SGCZ: variants seen among roughly 807,000 people sequenced by gnomAD.
SGCZ encodes the protein sarcoglycan zeta.
SGCZ carries 40 observed loss-of-function variants against 41.3 expected under a neutral mutation model. That is an observed-to-expected ratio of 0.97 (90% CI 0.75 to 1.26). The LOEUF (loss-of-function observed/expected upper bound fraction) is 1.26, where lower values mean the gene tolerates loss of function less well. SGCZ is among the 50% of genes most tolerant of loss of function. The pLI is 0.00. For missense variants in SGCZ, 552 were observed against 369.8 expected (o/e 1.49, Z -4.04); for synonymous variants, 206 against 137.5 (o/e 1.50, Z -3.49).
In SGCZ at chr8:15,119,944, G is replaced by C. The variant is rs556926375; in HGVS notation, c.39+117641C>G. ...CTTGCTTCAGCCTCCTGAGTAGCTA[G>C]AACTATAGGTGCATTCCACCAAGCT... is the stretch of plus-strand genomic sequence containing the variant. On this transcript the variant is annotated intron_variant, in intron 1 of 7. Coordinates refer to ENST00000382080, the MANE Select transcript of SGCZ (RefSeq NM_139167.4). Among the ~76,000 whole-genome samples, 131 of 152,256 alleles carry C rather than the reference G, an allele frequency of 8.6e-4. 1 individual carries two copies. Among genetic ancestry groups the C allele is most frequent in the African/African-American group, 3.1e-3 (130 of 41,550 alleles).
At position 14,624,185 on chromosome 8, in the gene SGCZ, C is replaced by A. The variant is rs1052202834; in HGVS notation, c.40-69259G>T. On this transcript the variant is annotated intron_variant, in intron 1 of 7. Transcript: ENST00000382080. Reference sequence around the variant, plus strand: ...AGGGTCAATGCAGACACATGTACAGCAATATTTTCATTAATAGCTTATCAT... The same window carrying A: ...AGGGTCAATGCAGACACATGTACAGAAATATTTTCATTAATAGCTTATCAT... 2.0e-5 allele frequency among the ~76,000 whole-genome samples: 3 copies of A among 152,088 alleles called. No individual in the cohort carries two copies. The East Asian group carries it at 5.8e-4, about 29-fold the overall frequency.
At chr8:14,641,306 T>C (rs1465034953) in intron 1 of SGCZ, among the ~76,000 whole-genome samples, 2 of 151,718 alleles carry the variant, frequency 1.3e-5, no homozygotes, top group East Asian at 3.9e-4. Context: ...ACATAAAAAT[T>C]CTTGATAAAG....
At chr8:14,639,365 T>G (rs1264093450) in intron 1 of SGCZ, among the ~76,000 whole-genome samples, 1 of 151,648 alleles carries the variant, frequency 6.6e-6, no homozygotes, top group African/African-American at 2.4e-5. Flanking sequence ...CCTCCGTTAG[T>G]AATGAGCTCA....
chr8:14,776,518 C>CTTTTTTT (rs35602866), intron 1 of SGCZ, among the ~76,000 whole-genome samples: 823 of 116,440 alleles, frequency 7.1e-3, no homozygotes, highest in Non-Finnish European at 9.5e-3. Context: ...TTTTCTTTTT[C>CTTTTTTT]TTTTTTTTTT....
rs530644252 is a variant in SGCZ at position 14,440,762 on chromosome 8, T to C, written c.234+113970A>G. Among the ~76,000 whole-genome samples, 13 of 147,646 alleles carry C rather than the reference T, an allele frequency of 8.8e-5. No homozygotes were observed. In the South Asian group the frequency reaches 2.8e-3, roughly 31 times the overall value. ...ATGTATATACATACGTATACACGTATATGTATATATGTATATACATACGTA... is the reference window on the plus strand; with the variant it reads ...ATGTATATACATACGTATACACGTACATGTATATATGTATATACATACGTA... On this transcript the variant is annotated intron_variant, in intron 2 of 7. Transcript: ENST00000382080.
intron 1 of SGCZ, among the ~76,000 whole-genome samples, chr8:14,862,529 C>A (rs1803786363): frequency 1.0e-5 from 1 of 100,448 alleles, no homozygotes; most frequent in Admixed American, 1.3e-4. Flanking sequence ...AAAATTGCAT[C>A]TTTAAGATAT....
At chr8:15,035,823 C>T (rs1803855458) in intron 1 of SGCZ, among the ~76,000 whole-genome samples, 2 of 151,870 alleles carry the variant, frequency 1.3e-5, no homozygotes, top group South Asian at 4.2e-4. Flanking sequence ...ATTGGAGCAC[C>T]TAAATATATC....
At chr8:14,285,364 G>A (rs889080849) in intron 3 of SGCZ, among the ~76,000 whole-genome samples, 1 of 152,048 alleles carries the variant, frequency 6.6e-6, no homozygotes, top group African/African-American at 2.4e-5. Flanking sequence ...TGTATTCTAA[G>A]AACAAGAGAT....
At chr8:14,467,651 A>C (rs1409903256) in intron 2 of SGCZ, among the ~76,000 whole-genome samples, 2 of 152,070 alleles carry the variant, frequency 1.3e-5, no homozygotes, top group African/African-American at 4.8e-5. Context: ...AGAATTCCAA[A>C]GTAGTAACAG....
rs544235773 is a variant in SGCZ, at chr8:14,784,401, CA to C, written c.40-229476del. ...CATCTTATACATTGATTTCATGTCA[CA>C]TATATCAGAAAAAAAATGTCAGCTA... On this transcript the variant is annotated intron_variant, in intron 1 of 7. Coordinates refer to ENST00000382080, the MANE Select transcript of SGCZ (RefSeq NM_139167.4). Among the ~76,000 whole-genome samples, 6 of 71,178 alleles carry C rather than the reference CA, an allele frequency of 8.4e-5. No homozygotes were observed. The Admixed American group carries it at 8.7e-4, about 10-fold the overall frequency. The allele number at this position is 71,178 out of a possible 152,430, so 46.7% of individuals were successfully genotyped here.
chr8:14,668,003 C>CTG (rs1807971303), intron 1 of SGCZ, among the ~76,000 whole-genome samples: 1 of 152,158 alleles, frequency 6.6e-6, no homozygotes, highest in Non-Finnish European at 1.5e-5. Context: ...GTCGCCCAGG[C>CTG]TGTAGTGCAG....
intron 1 of SGCZ, among the ~76,000 whole-genome samples, chr8:14,597,440 G>A (rs541609483): frequency 9.2e-5 from 14 of 152,184 alleles, no homozygotes; most frequent in East Asian, 3.9e-4. Context: ...CAGGAAAACC[G>A]TCCAGGAAAA....
intron 4 of SGCZ, among the ~76,000 whole-genome samples, chr8:14,209,514 C>T (rs1244546239): frequency 6.6e-6 from 1 of 151,980 alleles, no homozygotes; most frequent in Admixed American, 6.6e-5. Flanking sequence ...TTTCCTATTA[C>T]ATAAGAAGTG....
intron 1 of SGCZ, among the ~76,000 whole-genome samples, chr8:14,855,780 A>C (rs968133839): frequency 6.6e-6 from 1 of 152,184 alleles, no homozygotes; most frequent in Non-Finnish European, 1.5e-5. Flanking sequence ...ACATAATAGT[A>C]ATGTTAAATT....
At chr8:14,355,048 C>G (rs1423506809) in intron 2 of SGCZ, among the ~76,000 whole-genome samples, 2 of 151,864 alleles carry the variant, frequency 1.3e-5, no homozygotes, top group Non-Finnish European at 2.9e-5. Flanking sequence ...CAATTCAATT[C>G]TTACAAATAA....
At chr8:14,940,742 A>G (rs775123738) in intron 1 of SGCZ, among the ~76,000 whole-genome samples, 1 of 151,860 alleles carries the variant, frequency 6.6e-6, no homozygotes, top group Admixed American at 6.6e-5. Flanking sequence ...ATATGAATGA[A>G]GTGTGTATGT....
In SGCZ at chr8:14,835,358, C is replaced by T. The variant is rs373776899; in HGVS notation, c.40-280432G>A. 8.5e-5 allele frequency among the ~76,000 whole-genome samples: 13 copies of T among 152,248 alleles called. No homozygotes were observed. The East Asian group carries it at 2.3e-3, about 27-fold the overall frequency. ...CATTAAAAGGTTAAAAACCATTAACCAAAATGATGACCTGAATATTTTCTT... is the reference window on the plus strand; with the variant it reads ...CATTAAAAGGTTAAAAACCATTAACTAAAATGATGACCTGAATATTTTCTT... On this transcript the variant is annotated intron_variant, in intron 1 of 7. Transcript: ENST00000382080.
chr8:14,577,007 G>T (rs866399303), intron 1 of SGCZ, among the ~76,000 whole-genome samples: 50 of 152,190 alleles, frequency 3.3e-4, no homozygotes, highest in Non-Finnish European at 1.0e-4. Flanking sequence ...ACATAATTTA[G>T]ATTTGCCATA....
chr8:15,150,475 T>C (rs1359573816), intron 1 of SGCZ, among the ~76,000 whole-genome samples: 6 of 152,152 alleles, frequency 3.9e-5, no homozygotes, highest in African/African-American at 1.4e-4. Context: ...TTCACTCCCA[T>C]CCTCTGGAAC....
Sources: allele counts gnomAD v4.1 joint callset (sites outside exome capture counted in the v4.1 genomes callset), GRCh38; gene constraint gnomAD v4.1.1; transcripts MANE v1.5; gene names NCBI Gene and HGNC (gene_info 2026-07-23, HGNC 2026-07-21).